The following TIMM44 variants were observed in gnomAD, a reference collection of about 807,000 sequenced individuals.
The protein encoded by TIMM44 is mitochondrial import inner membrane translocase subunit TIM44.
Under a neutral mutation model 63.8 loss-of-function variants are expected in TIMM44, and 37 were observed. The observed-to-expected ratio is 0.58, with a 90% CI of 0.45 to 0.76. The LOEUF (loss-of-function observed/expected upper bound fraction) is 0.76. TIMM44 is among the 30% of genes least tolerant of loss of function. The pLI is 0.00. For missense variants in TIMM44, 573 were observed against 603.8 expected (o/e 0.95, Z 0.54); for synonymous variants, 239 against 245.1 (o/e 0.98, Z 0.23).
Position 7,927,696 on chromosome 19 carries a change from C to G in TIMM44, c.1200G>C (p.Val400=). Residue 400 remains valine (V), a synonymous_variant, in exon 12 of 13, where the codon GTG becomes GTC. Transcript: ENST00000270538. ...IITFQAQLVM[V]VRNPKGEVVE... ...CCACCTCGCCTTTGGGGTTCCTGAC[C>G]ACCATCACCAGCTGTGCCTGGAAGG... 1 of 1,613,536 alleles carries G rather than the reference C, an allele frequency of 6.2e-7. No homozygotes were observed. The highest frequency in any genetic ancestry group is 8.5e-7 in the Non-Finnish European group (1 of 1,180,020).
At chr19:7,929,698 C>T (rs560963641) in intron 10 of TIMM44, among the ~76,000 whole-genome samples, 4 of 134,490 alleles carry the variant, frequency 3.0e-5, no homozygotes, top group South Asian at 2.3e-4. Context: ...AGCCCCCCCC[C>T]AGTCATGTGG....
At position 7,927,243 on chromosome 19, in the gene TIMM44, A is replaced by T. The variant is rs1332557986; in HGVS notation, c.1303T>A (p.Tyr435Asn). 1.9e-6 allele frequency: 3 copies of T among 1,612,302 alleles called. No homozygotes were observed. Among genetic ancestry groups the T allele is most frequent in the Non-Finnish European group, 2.5e-6 (3 of 1,179,830 alleles). Residue 435 changes from tyrosine (Y) to asparagine (N), a missense_variant, in exon 13 of 13, where the codon TAC becomes AAC. By Grantham distance (143) the Tyr-to-Asn change is moderately radical (BLOSUM62 -2). Transcript: ENST00000270538. ...LCRDQDELNP[Y>N]AAWRLLDISA... ...ATGTCCAGGAGCCGCCAGGCCGCGT[A>T]GGGGTTGAGCTCGTCCTGGTCTCGG... is the stretch of plus-strand genomic sequence containing the variant.
At position 7,934,318 on chromosome 19, in the gene TIMM44, C is replaced by T; in HGVS notation, c.394-80G>A. Reference sequence around the variant, plus strand: ...GCGGGGCAGGAGGAATGAATTCCTGCCGGAGAGAAGGGCGGATCTGGTTCC... The same window carrying T: ...GCGGGGCAGGAGGAATGAATTCCTGTCGGAGAGAAGGGCGGATCTGGTTCC... On this transcript the variant is annotated intron_variant, in intron 4 of 12. Transcript: ENST00000270538. This position sits in a 1 kb window ranked among gnomAD's most constrained non-coding sequence, Gnocchi z 5.3. 2 of 1,574,524 alleles carry T rather than the reference C, an allele frequency of 1.3e-6. No homozygotes were observed. Among genetic ancestry groups the T allele is most frequent in the Non-Finnish European group, 8.6e-7 (1 of 1,157,206 alleles).
intron 10 of TIMM44, chr19:7,928,662 T>G (rs1389357976): frequency 6.5e-6 from 1 of 152,758 alleles, no homozygotes; most frequent in Non-Finnish European, 1.5e-5. Flanking sequence ...CGCTGGAGGT[T>G]TCTCTGGGCT....
chr19:7,934,060 T>C lies in TIMM44; in HGVS notation c.543+29A>G. The C allele has an allele frequency of 6.2e-7, 1 of 1,613,364 alleles. No homozygotes were observed. Reference sequence around the variant, plus strand: ...GTGTCTGGGTTCGGCCGCCCCAGGCTGCATGCCCTAGCCCAGGACTGGGCT... The same window carrying C: ...GTGTCTGGGTTCGGCCGCCCCAGGCCGCATGCCCTAGCCCAGGACTGGGCT... On this transcript the variant is annotated intron_variant, in intron 5 of 12. Coordinates refer to ENST00000270538, the MANE Select transcript of TIMM44 (RefSeq NM_006351.4). This position sits in a 1 kb window ranked among gnomAD's most constrained non-coding sequence, Gnocchi z 5.3.
intron 10 of TIMM44, 102 bp downstream of exon 10, chr19:7,931,036 G>T: frequency 9.2e-7 from 1 of 1,090,138 alleles, no homozygotes; most frequent in Non-Finnish European, 1.4e-6. Flanking sequence ...CCCAGGTCCT[G>T]CCTGTTGGGA....
intron 12 of TIMM44, 148 bp from the exon 13 acceptor site, chr19:7,927,454 A>G: frequency 1.8e-6 from 2 of 1,111,692 alleles, no homozygotes; most frequent in Non-Finnish European, 2.7e-6. Context: ...TAGACTCAGG[A>G]ACCACTCAGC....
At chr19:7,942,747 G>A (rs947792395) in intron 1 of TIMM44, among the ~76,000 whole-genome samples, 2 of 148,576 alleles carry the variant, frequency 1.3e-5, no homozygotes, top group Non-Finnish European at 3.0e-5. Context: ...TGCAATCTCC[G>A]CCTGCCGGGT....
intron 10 of TIMM44, among the ~76,000 whole-genome samples, chr19:7,929,697 C>CCG (rs1555705591): frequency 4.0e-5 from 6 of 151,662 alleles, no homozygotes; most frequent in Non-Finnish European, 5.9e-5. Context: ...CAGCCCCCCC[C>CCG]CAGTCATGTG....
intron 10 of TIMM44, chr19:7,928,737 C>G (rs562263261): frequency 6.6e-6 from 1 of 151,142 alleles, no homozygotes; most frequent in African/African-American, 2.4e-5. Context: ...ATGACTGATC[C>G]GCGGAGGGGA....
chr19:7,938,348 T>C (rs993946564), intron 2 of TIMM44, 151 bp from the exon 3 acceptor site: 6 of 646,102 alleles, frequency 9.3e-6, no homozygotes, highest in African/African-American at 3.7e-5. Flanking sequence ...ATAATAATCA[T>C]AAAAAACAAA....
chr19:7,931,493 C>T (rs1599647229), intron 9 of TIMM44: 1 of 427,668 alleles, frequency 2.3e-6, no homozygotes, highest in East Asian at 4.6e-5. Flanking sequence ...GGCTGGGGAC[C>T]CAGCTTTCAG....
At position 7,938,031 on chromosome 19, in the gene TIMM44, T is replaced by C. The variant is rs1984204754; in HGVS notation, c.308A>G (p.Lys103Arg). 6.2e-7 allele frequency: 1 copy of C among 1,614,028 alleles called. No homozygotes were observed. Among genetic ancestry groups the C allele is most frequent in the South Asian group, 1.1e-5 (1 of 91,076 alleles). ...ESDVLQEARR[K>R]YKTIESETVR... is the part of the protein sequence containing the mutation. ...AAAAGCAGCAAAGAAACTCACGTATTTCCTTCTGGCCTCCTGGAGCACGTC... is the reference window on the plus strand; with the variant it reads ...AAAAGCAGCAAAGAAACTCACGTATCTCCTTCTGGCCTCCTGGAGCACGTC... The change falls in exon 3 of 13, where the codon AAA (lysine) becomes AGA (arginine). Residue 103 changes from lysine to arginine, a missense_variant. By Grantham distance (26) the Lys-to-Arg change is conservative. Coordinates refer to ENST00000270538, the MANE Select transcript of TIMM44 (RefSeq NM_006351.4).
chr19:7,938,668 A>G (rs2145180248), intron 2 of TIMM44, among the ~76,000 whole-genome samples: 1 of 152,246 alleles, frequency 6.6e-6, no homozygotes, highest in South Asian at 2.1e-4. Flanking sequence ...TTAGCTGCGC[A>G]TGGTGGTGTG....
At position 7,938,053 on chromosome 19, in the gene TIMM44, C is replaced by T. The variant is rs149601272; in HGVS notation, c.286G>A (p.Val96Met). 12 of 1,613,878 alleles carry T rather than the reference C, an allele frequency of 7.4e-6. No individual in the cohort carries two copies. The highest frequency in any genetic ancestry group is 1.6e-4 in the Middle Eastern group (1 of 6,084). ...TATTTCCTTCTGGCCTCCTGGAGCA[C>T]GTCTGATTCTTCTAGCCTTCTGGCC... is the stretch of plus-strand genomic sequence containing the variant. The part of the protein sequence containing the change: ...DEARRLEESD[V>M]LQEARRKYKT... The change falls in exon 3 of 13, where the codon GTG becomes ATG. Residue 96 changes from valine to methionine, a missense_variant. Transcript: ENST00000270538.
At chr19:7,935,896 G>A (rs1370356824) in intron 3 of TIMM44, among the ~76,000 whole-genome samples, 1 of 152,206 alleles carries the variant, frequency 6.6e-6, no homozygotes, top group African/African-American at 2.4e-5. Flanking sequence ...CATGTGAGCT[G>A]TAGTCCCAGC....
chr19:7,934,481 CACACCGGCACCCCCAGAGCCAT>C lies in TIMM44; in HGVS notation c.394-265_394-244del, dbSNP rs1405320888. ...ACACCGGCACCCCCAGAGCCATGAG[CACACCGGCACCCCCAGAGCCAT>C]GAGCACACCGCCACGGCTTCCGGGA... On this transcript the variant is annotated intron_variant, in intron 4 of 12. Transcript: ENST00000270538. The surrounding 1 kb of genome is among the most constrained non-coding windows in gnomAD (Gnocchi z 5.3). Among the ~76,000 whole-genome samples the C allele has an allele frequency of 1.5e-4, 22 of 151,594 alleles. No individual in the cohort carries two copies. Among genetic ancestry groups the C allele is most frequent in the African/African-American group, 3.4e-4 (14 of 41,316 alleles).
rs751514112 is a variant in TIMM44 at position 7,934,695 on chromosome 19, G to C, written c.393+370C>G. 7.2e-5 allele frequency among the ~76,000 whole-genome samples: 11 copies of C among 152,182 alleles called. No individual in the cohort carries two copies. Among genetic ancestry groups the C allele is most frequent in the Non-Finnish European group, 8.8e-5 (6 of 68,010 alleles). On this transcript the variant is annotated intron_variant, in intron 4 of 12. Transcript: ENST00000270538. This position sits in a 1 kb window ranked among gnomAD's most constrained non-coding sequence, Gnocchi z 5.3. ...GCCCCATGCTGCGCAAAGCTGGACA[G>C]AACAGACAACCGAGGAGAGCCGCAG...
At position 7,934,143 on chromosome 19, in the gene TIMM44, T is replaced by C. The variant is rs1220960344; in HGVS notation, c.489A>G (p.Val163=). The part of the protein sequence containing the change: ...AKTAKQSAES[V]SKGGEKLGRT... ...TGCCCAGCTTCTCCCCGCCTTTGGA[T>C]ACCGACTCGGCCGACTGCTTGGCCG... Residue 163 remains valine (V), a synonymous_variant, in exon 5 of 13, where the codon GTA becomes GTG. Transcript: ENST00000270538. The surrounding 1 kb of genome is among the most constrained non-coding windows in gnomAD (Gnocchi z 5.3). 1 of 1,613,554 alleles carries C rather than the reference T, an allele frequency of 6.2e-7. No individual in the cohort carries two copies. Among genetic ancestry groups the C allele is most frequent in the South Asian group, 1.1e-5 (1 of 91,090 alleles).
Sources: gnomAD v4.1 joint callset for allele counts (sites outside exome capture counted in the v4.1 genomes callset) on GRCh38, gnomAD v4.1.1 for gene constraint, Gnocchi (gnomAD v3.1) non-coding constraint, MANE v1.5 for transcripts, NCBI Gene and HGNC (gene_info 2026-07-23, HGNC 2026-07-21) for gene names.